Variants in DCAF7 observed in about 807,000 individuals in gnomAD.
The protein encoded by DCAF7 is DDB1 and CUL4 associated factor 7.
A neutral mutation model predicts 41.2 loss-of-function variants in DCAF7; 4 were observed. The observed-to-expected ratio is 0.10, with a 90% confidence interval of 0.05 to 0.22. The LOEUF (loss-of-function observed/expected upper bound fraction) is 0.22. Ranked by LOEUF, DCAF7 falls within the 10% of genes least tolerant of loss-of-function variation. The pLI is 1.00. For missense variants in DCAF7, 131 were observed against 443.2 expected (o/e 0.30, Z 6.32); for synonymous variants, 143 against 164.2 (o/e 0.87, Z 0.99).
chr17:63,590,926 A>G lies in DCAF7; in HGVS notation c.*1754A>G, dbSNP rs2033727736. 1 of 152,160 alleles carries G rather than the reference A, an allele frequency of 6.6e-6. No homozygotes were observed. Among genetic ancestry groups the G allele is most frequent in the South Asian group, 2.1e-4 (1 of 4,818 alleles). 9.4% of individuals were successfully genotyped at this position (152,160 alleles called of 1,614,324 possible). On this transcript the variant is annotated 3_prime_UTR_variant, in exon 7 of 7. Transcript: ENST00000614556. ...CCATACAGGGACCTGTCCCAAAGAA[A>G]AAGGCTCTTTTTTTAGCCAGCATAT...
rs2033243029 is a variant in DCAF7, at chr17:63,550,868, C to T, written c.138+53C>T. ...GCTGGCGGGGAGCGGGCCCCGGGAG[C>T]GCCCTTTCCGGGCCGGAGCCCAGGC... is the stretch of plus-strand genomic sequence containing the variant. On this transcript the variant is annotated intron_variant, in intron 1 of 6. Coordinates refer to ENST00000614556, the MANE Select transcript of DCAF7 (RefSeq NM_005828.5). The surrounding 1 kb of genome is among the most constrained non-coding windows in gnomAD (Gnocchi z 4.8). 6.3e-7 allele frequency: 1 copy of T among 1,582,716 alleles called. No individual in the cohort carries two copies. The highest frequency in any genetic ancestry group is 1.8e-5 in the Admixed American group (1 of 54,692).
chr17:63,582,305 C>T (rs2033631179), intron 4 of DCAF7, among the ~76,000 whole-genome samples: 1 of 152,160 alleles, frequency 6.6e-6, no homozygotes. Flanking sequence ...CCTCTGTAGG[C>T]AGAACTTCAA....
chr17:63,577,272 A>G (rs1272350458), intron 1 of DCAF7, among the ~76,000 whole-genome samples: 1 of 152,206 alleles, frequency 6.6e-6, no homozygotes, highest in Admixed American at 6.5e-5. Context: ...ATATGCAACT[A>G]TACCTAACTT....
intron 1 of DCAF7, among the ~76,000 whole-genome samples, chr17:63,559,396 TA>T (rs2033351649): frequency 1.0e-5 from 1 of 98,834 alleles, no homozygotes; most frequent in Non-Finnish European, 1.9e-5. Context: ...TGTATATATA[TA>T]TGTATATATA....
intron 1 of DCAF7, among the ~76,000 whole-genome samples, chr17:63,572,328 C>G (rs1182088862): frequency 2.0e-5 from 3 of 152,108 alleles, no homozygotes; most frequent in African/African-American, 7.2e-5. Context: ...AAGCCCAATT[C>G]CACTGTGCCG....
rs919880593 is a variant in DCAF7 at position 63,550,538 on chromosome 17, C to G, written c.-140C>G. On this transcript the variant is annotated 5_prime_UTR_variant, in exon 1 of 7. Transcript: ENST00000614556. This position sits in a 1 kb window ranked among gnomAD's most constrained non-coding sequence, Gnocchi z 4.8. ...GGGCTCGGCCGTCGTCGTTGTTTGT[C>G]GCCGCATCCCCGCTTCCGGGTTAGG... 4 of 1,336,712 alleles carry G rather than the reference C, an allele frequency of 3.0e-6. No individual in the cohort carries two copies. The highest frequency in any genetic ancestry group is 4.0e-6 in the Non-Finnish European group (4 of 1,008,882). The allele number at this position is 1,336,712 out of a possible 1,614,324, so 82.8% of individuals were successfully genotyped here. A position where few individuals can be genotyped will look rare whatever the true frequency, so the allele number is the denominator to read the frequency against.
At chr17:63,587,984 TAAAAAAA>T (rs750564406) in intron 6 of DCAF7, among the ~76,000 whole-genome samples, 11 of 117,182 alleles carry the variant, frequency 9.4e-5, no homozygotes, top group East Asian at 4.8e-4. Context: ...AGACTCCATT[TAAAAAAA>T]AAAAAAAAAA....
At chr17:63,588,188 G>A (rs1286893906) in intron 6 of DCAF7, among the ~76,000 whole-genome samples, 2 of 122,006 alleles carry the variant, frequency 1.6e-5, no homozygotes, top group Non-Finnish European at 3.2e-5. Flanking sequence ...TATTTTCTTG[G>A]ATTTTTTTTT....
At chr17:63,553,619 A>G (rs2033281185) in intron 1 of DCAF7, among the ~76,000 whole-genome samples, 1 of 152,214 alleles carries the variant, frequency 6.6e-6, no homozygotes, top group South Asian at 2.1e-4. Context: ...AGTGGTCACC[A>G]GCAGAGGATA....
intron 1 of DCAF7, among the ~76,000 whole-genome samples, chr17:63,551,308 C>T (rs1263394852): frequency 2.6e-5 from 2 of 78,274 alleles, no homozygotes; most frequent in Non-Finnish European, 6.6e-5. Context: ...CCTACTCCCA[C>T]CCCCCCCGGG....
intron 6 of DCAF7, among the ~76,000 whole-genome samples, chr17:63,586,319 G>T (rs1009539755): frequency 6.6e-6 from 1 of 151,880 alleles, no homozygotes; most frequent in Non-Finnish European, 1.5e-5. Context: ...ATCTGGGTGT[G>T]GTGGTGAATT....
In DCAF7 at chr17:63,550,943, G is replaced by C. The variant is rs1380829160; in HGVS notation, c.138+128G>C. 45 of 1,397,980 alleles carry C rather than the reference G, an allele frequency of 3.2e-5. No homozygotes were observed. Among genetic ancestry groups the C allele is most frequent in the South Asian group, 1.6e-4 (11 of 70,100 alleles). 86.6% of individuals were successfully genotyped at this position (1,397,980 alleles called of 1,614,324 possible). A position where few individuals can be genotyped will look rare whatever the true frequency, so the allele number is the denominator to read the frequency against. On this transcript the variant is annotated intron_variant, in intron 1 of 6. Transcript: ENST00000614556. This position sits in a 1 kb window ranked among gnomAD's most constrained non-coding sequence, Gnocchi z 4.8. The stretch of plus-strand genomic sequence containing the variant: ...CCTAGGGCCACGGAGCGGTTCCTCT[G>C]TCTGGCCCTGTGCTGAAGGTTTCGT...
At chr17:63,565,106 C>T (rs1291203176) in intron 1 of DCAF7, among the ~76,000 whole-genome samples, 3 of 152,114 alleles carry the variant, frequency 2.0e-5, no homozygotes, top group Non-Finnish European at 4.4e-5. Context: ...CCACTGCGTT[C>T]CAGCCTGGGT....
At position 63,564,630 on chromosome 17, in the gene DCAF7, G is replaced by A. The variant is rs184639989; in HGVS notation, c.138+13815G>A. ...ACCCAGTTGTAGGTTCAGAGAAACT[G>A]GAGCGGAGGATGGTCAGGCCCATTC... On this transcript the variant is annotated intron_variant, in intron 1 of 6. Coordinates refer to ENST00000614556, the MANE Select transcript of DCAF7 (RefSeq NM_005828.5). Among the ~76,000 whole-genome samples, 765 of 152,326 alleles carry A rather than the reference G, an allele frequency of 5.0e-3. 5 individuals are homozygous for A. The highest frequency in any genetic ancestry group is 0.017 in the African/African-American group (715 of 41,580).
chr17:63,585,152 TTTTG>T, intron 5 of DCAF7, 55 bp from the exon 6 acceptor site: 1 of 1,417,776 alleles, frequency 7.1e-7, no homozygotes, highest in Non-Finnish European at 9.8e-7. Context: ...GGATAGTATT[TTTTG>T]TTTTTTTCTA....
chr17:63,551,927 A>AAAAAAAAAAC (rs2033260896), intron 1 of DCAF7, among the ~76,000 whole-genome samples: 1 of 126,308 alleles, frequency 7.9e-6, no homozygotes, highest in Admixed American at 8.4e-5. Flanking sequence ...AAAAAAAAAA[A>AAAAAAAAAAC]AAAAGCCGGG....
Position 63,582,586 on chromosome 17 carries a change from A to G in DCAF7, c.529-916A>G, listed in dbSNP as rs150173913. On this transcript the variant is annotated intron_variant, in intron 4 of 6. Transcript: ENST00000614556. ...CGGGTTCAAGCGATTCTCCTGCCTT[A>G]GCCTCCCATGTAGCTGGGATTACCG... Among the ~76,000 whole-genome samples the G allele has an allele frequency of 4.8e-3, 732 of 151,804 alleles. 6 individuals carry two copies. Among genetic ancestry groups the G allele is most frequent in the African/African-American group, 0.016 (664 of 41,354 alleles).
Position 63,589,272 on chromosome 17 carries a change from CT to C in DCAF7, c.*103del. 1 of 1,472,296 alleles carries C rather than the reference CT, an allele frequency of 6.8e-7. No individual in the cohort carries two copies. The highest frequency in any genetic ancestry group is 9.3e-7 in the Non-Finnish European group (1 of 1,071,658). 91.2% of individuals were successfully genotyped at this position (1,472,296 alleles called of 1,614,324 possible). A position where few individuals can be genotyped will look rare whatever the true frequency, so the allele number is the denominator to read the frequency against. On this transcript the variant is annotated 3_prime_UTR_variant, in exon 7 of 7. Coordinates refer to ENST00000614556, the MANE Select transcript of DCAF7 (RefSeq NM_005828.5). ...AACATGTTTCCAGTGGCCAGTATGT[CT>C]TTCATTGCTTTGCACCCACTGTTAC... is the stretch of plus-strand genomic sequence containing the variant.
intron 6 of DCAF7, 59 bp downstream of exon 6, chr17:63,585,387 T>C: frequency 1.4e-6 from 2 of 1,450,200 alleles, no homozygotes; most frequent in Middle Eastern, 1.8e-4. Context: ...TTCTCTTGGC[T>C]CCTTAGAATT....
Sources: gnomAD v4.1 joint callset for allele counts (sites outside exome capture counted in the v4.1 genomes callset) on GRCh38, gnomAD v4.1.1 for gene constraint, Gnocchi (gnomAD v3.1) non-coding constraint, MANE v1.5 for transcripts, NCBI Gene and HGNC (gene_info 2026-07-23, HGNC 2026-07-21) for gene names.